The following SH3RF2 variants were observed in gnomAD, a reference collection of about 807,000 sequenced individuals.
SH3RF2 encodes the protein SH3 domain containing ring finger 2.
Under a neutral mutation model 59.0 loss-of-function variants are expected in SH3RF2, and 43 were observed. The ratio of observed to expected loss-of-function variants is 0.73; its 90% CI spans 0.57 to 0.94. SH3RF2 has a LOEUF of 0.94. Among genes scored for constraint, SH3RF2 ranks in the 40% least tolerant of loss-of-function variants. The pLI is 0.00. For synonymous variants in SH3RF2, 391 were observed against 391.5 expected, an observed-to-expected ratio of 1.00 and a Z score of 0.01; for missense variants, 930 against 940.1, an observed-to-expected ratio of 0.99 and a Z score of 0.14.
chr5:146,048,261 G>A (rs747732017), intron 6 of SH3RF2, among the ~76,000 whole-genome samples: 1 of 151,694 alleles, frequency 6.6e-6, no homozygotes, highest in East Asian at 1.9e-4. Context: ...GCATCAGTGA[G>A]CTATGATCAT....
chr5:146,063,025 G>T lies in SH3RF2; in HGVS notation c.*324G>T. On this transcript the variant is annotated 3_prime_UTR_variant, in exon 10 of 10. Coordinates refer to ENST00000359120, the MANE Select transcript of SH3RF2 (RefSeq NM_152550.4). ...CTTGTCATCCCCGTGTTACTGTGTA[G>T]AATTTCTATGGTGTCCTAAAGGGGG... 1 of 331,610 alleles carries T rather than the reference G, an allele frequency of 3.0e-6. No homozygotes were observed. Among genetic ancestry groups the T allele is most frequent in the South Asian group, 4.1e-5 (1 of 24,384 alleles). 20.5% of individuals were successfully genotyped at this position (331,610 alleles called of 1,614,324 possible). A position where few individuals can be genotyped will look rare whatever the true frequency, so the allele number is the denominator to read the frequency against.
intron 9 of SH3RF2, among the ~76,000 whole-genome samples, chr5:146,072,689 C>A (rs1405495130): frequency 6.6e-6 from 1 of 152,034 alleles, no homozygotes; most frequent in Non-Finnish European, 1.5e-5. Context: ...AGAACAGAAT[C>A]TCTTACTAGC....
chr5:146,077,685 A>G (rs927421953), intron 9 of SH3RF2, among the ~76,000 whole-genome samples: 4 of 152,148 alleles, frequency 2.6e-5, no homozygotes, highest in Non-Finnish European at 5.9e-5. Flanking sequence ...TTGCCCTTCT[A>G]TTTTTTAATT....
chr5:146,027,028 A>G (rs1366335820), intron 5 of SH3RF2, among the ~76,000 whole-genome samples: 2 of 152,208 alleles, frequency 1.3e-5, no homozygotes, highest in East Asian at 3.9e-4. Flanking sequence ...GCCAGCCTAT[A>G]CAAACAGGCC....
In SH3RF2 at chr5:146,063,109, A is replaced by G. The variant is rs889095223; in HGVS notation, c.*408A>G. ...GGCGTTGCTTCTTTGACCTTACAAT[A>G]TCCTCAACAAGCATTAGAACAACTT... On this transcript the variant is annotated 3_prime_UTR_variant, in exon 10 of 10. Coordinates refer to ENST00000359120, the MANE Select transcript of SH3RF2 (RefSeq NM_152550.4). 9.0e-5 allele frequency: 17 copies of G among 188,508 alleles called. No individual in the cohort carries two copies. Among genetic ancestry groups the G allele is most frequent in the Admixed American group, 1.7e-4 (3 of 17,356 alleles). The allele number at this position is 188,508 out of a possible 1,614,324, so 11.7% of individuals were successfully genotyped here. A position where few individuals can be genotyped will look rare whatever the true frequency, so the allele number is the denominator to read the frequency against.
intron 5 of SH3RF2, among the ~76,000 whole-genome samples, chr5:146,044,031 A>G (rs546507748): frequency 6.6e-6 from 1 of 152,252 alleles, no homozygotes; most frequent in African/African-American, 2.4e-5. Context: ...AAAATGGCCA[A>G]TCTGTTTTCC....
intron 2 of SH3RF2, among the ~76,000 whole-genome samples, chr5:145,995,781 AC>A (rs1760124464): frequency 6.6e-6 from 1 of 152,226 alleles, no homozygotes; most frequent in South Asian, 2.1e-4. Context: ...TAAAAAACAT[AC>A]ATATGTATTT....
rs1359444263 is a variant in SH3RF2, at chr5:145,997,853, C to T, written c.379-2205C>T. 4.1e-6 allele frequency: 5 copies of T among 1,225,266 alleles called. No homozygotes were observed. The East Asian group carries it at 9.3e-5, about 23-fold the overall frequency. 75.9% of individuals were successfully genotyped at this position (1,225,266 alleles called of 1,614,324 possible). ...AAGTACCTGCAAAAACAACTCACAT[C>T]TTGAAATGCTCAGTGCCCTTGCCAA... On this transcript the variant is annotated intron_variant, in intron 2 of 9. Transcript: ENST00000359120.
rs1339646410 is a variant in SH3RF2 at position 145,960,075 on chromosome 5, G to A, written c.378+21769G>A. 2.0e-5 allele frequency among the ~76,000 whole-genome samples: 3 copies of A among 152,166 alleles called. No individual in the cohort carries two copies. In the East Asian group the frequency reaches 5.8e-4, roughly 29 times the overall value. The stretch of plus-strand genomic sequence containing the variant: ...TGTATGTATTTAATTTTGTTTTAGA[G>A]ACAGGGTCTCATTCTGTCACCCAGG... On this transcript the variant is annotated intron_variant, in intron 2 of 9. Coordinates refer to ENST00000359120, the MANE Select transcript of SH3RF2 (RefSeq NM_152550.4).
chr5:146,028,521 G>A (rs1208031247), intron 5 of SH3RF2, among the ~76,000 whole-genome samples: 2 of 152,218 alleles, frequency 1.3e-5, no homozygotes, highest in Non-Finnish European at 1.5e-5. Context: ...CAAGATCATT[G>A]TTGCGGCGGC....
chr5:145,967,069 GA>G (rs1299720763), intron 2 of SH3RF2, among the ~76,000 whole-genome samples: 3 of 152,116 alleles, frequency 2.0e-5, no homozygotes, highest in Admixed American at 6.6e-5. Context: ...TAGGGACCCA[GA>G]GACCCTTCAA....
At position 146,036,701 on chromosome 5, in the gene SH3RF2, A is replaced by G. The variant is rs1193043982; in HGVS notation, c.1060-11071A>G. Among the ~76,000 whole-genome samples, 3 of 152,190 alleles carry G rather than the reference A, an allele frequency of 2.0e-5. 1 individual carries two copies. The highest frequency in any genetic ancestry group is 2.0e-4 in the Admixed American group (3 of 15,276). On this transcript the variant is annotated intron_variant, in intron 5 of 9. Coordinates refer to ENST00000359120, the MANE Select transcript of SH3RF2 (RefSeq NM_152550.4). ...CAGAGCGAAACTCTATCTAAAAAAA[A>G]GAGAAAACAGCAAGGGAGTGGCAGG...
At position 145,959,615 on chromosome 5, in the gene SH3RF2, A is replaced by ATATG. The variant is rs368782512; in HGVS notation, c.378+21310_378+21311insATGT. Among the ~76,000 whole-genome samples the ATATG allele has an allele frequency of 8.9e-4, 129 of 145,518 alleles. 1 individual carries two copies. The highest frequency in any genetic ancestry group is 3.1e-3 in the African/African-American group (121 of 39,572). On this transcript the variant is annotated intron_variant, in intron 2 of 9. Coordinates refer to ENST00000359120, the MANE Select transcript of SH3RF2 (RefSeq NM_152550.4). Reference sequence around the variant, plus strand: ...CAATAAAATCTACTGCTATATATATATGTGTGTGTGTGTGTGTGTGTGTGT... The same window carrying ATATG: ...CAATAAAATCTACTGCTATATATATATATGTGTGTGTGTGTGTGTGTGTGTGTGT...
intron 5 of SH3RF2, among the ~76,000 whole-genome samples, chr5:146,029,203 C>T (rs1761654209): frequency 6.6e-6 from 1 of 152,190 alleles, no homozygotes; most frequent in Non-Finnish European, 1.5e-5. Flanking sequence ...GATGGAGGAA[C>T]TGAGACTCAG....
At chr5:146,064,774 G>GAAA (rs1763039229), downstream of SH3RF2, among the ~76,000 whole-genome samples, 2 of 34,496 alleles carry the variant, frequency 5.8e-5, no homozygotes, top group African/African-American at 1.2e-4. Flanking sequence ...AAGGAAGGAA[G>GAAA]GAAAGGAAGG....
At chr5:146,072,126 T>A (rs1763251851) in intron 9 of SH3RF2, among the ~76,000 whole-genome samples, 1 of 152,226 alleles carries the variant, frequency 6.6e-6, no homozygotes, top group Non-Finnish European at 1.5e-5. Flanking sequence ...CATATATCCC[T>A]GGGTTCAAAT....
intron 2 of SH3RF2, among the ~76,000 whole-genome samples, chr5:145,998,467 T>C (rs1760258793): frequency 6.7e-6 from 1 of 149,868 alleles, no homozygotes; most frequent in African/African-American, 2.5e-5. Context: ...TTCCATTTCC[T>C]AGAGCTGGAA....
At chr5:146,022,060 T>G (rs1761341143) in intron 5 of SH3RF2, among the ~76,000 whole-genome samples, 1 of 152,204 alleles carries the variant, frequency 6.6e-6, no homozygotes, top group East Asian at 1.9e-4. Flanking sequence ...GGACTTTTTA[T>G]AAAAGAAAAT....
chr5:146,069,582 TG>T lies in SH3RF2; in HGVS notation c.*33+6849del, dbSNP rs911733509. Among the ~76,000 whole-genome samples, 7 of 152,278 alleles carry T rather than the reference TG, an allele frequency of 4.6e-5. No homozygotes were observed. The South Asian group carries it at 1.0e-3, about 23-fold the overall frequency. ...GGGAAATGCTTGTTTATTTTTTGTT[TG>T]TTTTTTTGAGACAAGGTCACACTCC... On this transcript the variant is annotated intron_variant, in intron 9 of 9. Transcript: ENST00000511217.
Sources: gnomAD v4.1 joint callset for allele counts (sites outside exome capture counted in the v4.1 genomes callset) on GRCh38, gnomAD v4.1.1 for gene constraint, MANE v1.5 for transcripts, NCBI Gene and HGNC (gene_info 2026-07-23, HGNC 2026-07-21) for gene names.